The following DIAPH2 variants were observed in gnomAD, a reference collection of about 807,000 sequenced individuals.
The protein encoded by DIAPH2 is protein diaphanous homolog 2.
Under a neutral mutation model 92.7 loss-of-function variants are expected in DIAPH2, and 35 were observed. That is an observed-to-expected ratio of 0.38 (90% CI 0.29 to 0.50). DIAPH2 has a LOEUF of 0.50. Ranked by LOEUF, DIAPH2 falls within the 20% of genes least tolerant of loss-of-function variation. The pLI is 0.94. For missense variants in DIAPH2, 701 were observed against 819.5 expected (o/e 0.86, Z 1.77); for synonymous variants, 301 against 280.4 (o/e 1.07, Z -0.73).
At chrX:97,122,998 A>G (rs999661406) in intron 21 of DIAPH2, among the ~76,000 whole-genome samples, 19 of 111,941 alleles carry the variant, frequency 1.7e-4, no homozygotes, top group African/African-American at 5.8e-4. Context: ...ATAATTCATT[A>G]CCAGTGGATA....
chrX:97,194,514 G>C (rs1180818836), intron 22 of DIAPH2, among the ~76,000 whole-genome samples: 2 of 110,371 alleles, frequency 1.8e-5, no homozygotes, highest in Non-Finnish European at 3.8e-5. Context: ...TCGATCTCCC[G>C]ACCTCGTGAT....
chrX:97,243,055 G>A (rs2068110403), intron 22 of DIAPH2, among the ~76,000 whole-genome samples: 1 of 110,447 alleles, frequency 9.1e-6, no homozygotes, highest in South Asian at 3.8e-4. Flanking sequence ...CAAAGTGCTG[G>A]GATTACAGGC....
intron 24 of DIAPH2, among the ~76,000 whole-genome samples, chrX:97,372,207 AAAAGGC>A (rs2069454295): frequency 8.9e-6 from 1 of 112,365 alleles, no homozygotes; most frequent in Admixed American, 9.4e-5. Flanking sequence ...GGCAAATTTT[AAAAGGC>A]CTTGGGGATC....
intron 4 of DIAPH2, among the ~76,000 whole-genome samples, chrX:96,782,180 CCT>C (rs1265660409): frequency 8.9e-6 from 1 of 112,621 alleles, no homozygotes; most frequent in African/African-American, 3.2e-5. Flanking sequence ...GTCACTGCAA[CCT>C]CCACCTCCTG....
chrX:97,004,945 A>G (rs1036115024), intron 17 of DIAPH2, among the ~76,000 whole-genome samples: 2 of 111,946 alleles, frequency 1.8e-5, no homozygotes, highest in African/African-American at 6.5e-5. Context: ...GGTCTGTCAT[A>G]TAATAGCTCT....
chrX:96,884,131 G>T, intron 5 of DIAPH2: 1 of 423,636 alleles, frequency 2.4e-6, no homozygotes, highest in Non-Finnish European at 4.1e-6. Context: ...GTAGTTGATT[G>T]GTCCACAGGT....
intron 23 of DIAPH2, among the ~76,000 whole-genome samples, chrX:97,256,854 G>A (rs1027320358): frequency 9.0e-6 from 1 of 110,692 alleles, no homozygotes; most frequent in African/African-American, 3.3e-5. Context: ...TAGTAGAGAC[G>A]GAGTTTCACC....
intron 17 of DIAPH2, among the ~76,000 whole-genome samples, chrX:97,047,493 T>TTAAAA (rs199797285): frequency 0.038 from 3,898 of 103,925 alleles, 235 homozygotes; most frequent in African/African-American, 0.13. Flanking sequence ...ATAATCTGTG[T>TTAAAA]TAAACACTTC....
intron 23 of DIAPH2, among the ~76,000 whole-genome samples, chrX:97,315,129 C>G (rs1228680576): frequency 9.0e-6 from 1 of 110,921 alleles, no homozygotes; most frequent in Non-Finnish European, 1.9e-5. Context: ...CCCTTAAAGA[C>G]CCTATAAGAG....
At chrX:96,830,710 CAG>C (rs989752267) in intron 4 of DIAPH2, among the ~76,000 whole-genome samples, 2 of 105,624 alleles carry the variant, frequency 1.9e-5, no homozygotes, top group Non-Finnish European at 1.9e-5. Context: ...TAACTTCAAA[CAG>C]AATTAAATAA....
chrX:97,264,552 G>A (rs1386671891), intron 23 of DIAPH2, among the ~76,000 whole-genome samples: 1 of 112,260 alleles, frequency 8.9e-6, no homozygotes, highest in Non-Finnish European at 1.9e-5. Context: ...ATGCCACTGA[G>A]GCACCTGGCC....
chrX:97,481,460 T>C (rs1384042911), intron 26 of DIAPH2, among the ~76,000 whole-genome samples: 1 of 111,641 alleles, frequency 9.0e-6, no homozygotes, highest in Non-Finnish European at 1.9e-5. Context: ...CAGACCAAGA[T>C]GATAAGATAT....
chrX:97,438,366 T>TG (rs2070215543), intron 26 of DIAPH2, among the ~76,000 whole-genome samples: 1 of 77,456 alleles, frequency 1.3e-5, no homozygotes, highest in African/African-American at 5.0e-5. Context: ...TTTGTTTTTT[T>TG]TTTTTTTTTT....
At chrX:97,377,333 A>T (rs954831909) in intron 24 of DIAPH2, among the ~76,000 whole-genome samples, 7 of 112,510 alleles carry the variant, frequency 6.2e-5, no homozygotes, top group Non-Finnish European at 5.6e-5. Flanking sequence ...TGTATTGTAC[A>T]TCATTGTATG....
At chrX:96,952,956 TA>T (rs766501976) in intron 15 of DIAPH2, among the ~76,000 whole-genome samples, 3,585 of 99,363 alleles carry the variant, frequency 0.036, 160 homozygotes, top group African/African-American at 0.12. Context: ...GACCCCATCT[TA>T]AAAAAAAAAA....
chrX:97,299,831 C>T (rs1056024495), intron 23 of DIAPH2, among the ~76,000 whole-genome samples: 26 of 111,493 alleles, frequency 2.3e-4, no homozygotes, highest in African/African-American at 7.5e-4. Flanking sequence ...ATAATAAATG[C>T]CATTTATAGT....
chrX:97,463,366 T>C (rs984697742), intron 26 of DIAPH2, among the ~76,000 whole-genome samples: 1 of 107,743 alleles, frequency 9.3e-6, no homozygotes, highest in Non-Finnish European at 1.9e-5. Context: ...TTCAATCAGC[T>C]ATTACCATTT....
At chrX:97,068,854 C>T (rs758232103) in intron 17 of DIAPH2, among the ~76,000 whole-genome samples, 21 of 112,000 alleles carry the variant, frequency 1.9e-4, no homozygotes, top group Non-Finnish European at 3.4e-4. Context: ...CGTGAAGTTA[C>T]ATAAATATAC....
chrX:97,405,962 A>G (rs1008287551), intron 25 of DIAPH2, among the ~76,000 whole-genome samples: 1 of 111,829 alleles, frequency 8.9e-6, no homozygotes, highest in Non-Finnish European at 1.9e-5. Flanking sequence ...ACTCTTAAAT[A>G]GGAAAACCCT....
Sources: allele counts gnomAD v4.1 joint callset (sites outside exome capture counted in the v4.1 genomes callset), GRCh38; gene constraint gnomAD v4.1.1; transcripts MANE v1.5; gene names NCBI Gene and HGNC (gene_info 2026-07-23, HGNC 2026-07-21).